Variants in MFF observed in about 807,000 individuals in gnomAD.
MFF encodes mitochondrial fission factor.
A neutral mutation model predicts 36.9 loss-of-function variants in MFF; 12 were observed. That is an observed-to-expected ratio of 0.33 (90% confidence interval 0.21 to 0.53). MFF has a LOEUF of 0.53. Among genes scored for constraint, MFF ranks in the 20% least tolerant of loss-of-function variants. The pLI is 0.95. For synonymous variants in MFF, 99 were observed against 126.2 expected, an observed-to-expected ratio of 0.78 and a Z score of 1.44; for missense variants, 348 against 366.6, an observed-to-expected ratio of 0.95 and a Z score of 0.42.
chr2:227,356,932 C>G, intron 8 of MFF, 54 bp from the exon 9 acceptor site: 1 of 1,334,078 alleles, frequency 7.5e-7, no homozygotes, highest in Non-Finnish European at 1.0e-6. Flanking sequence ...ATCTGATTGC[C>G]CTATTCATTA....
intron 1 of MFF, among the ~76,000 whole-genome samples, chr2:227,325,870 G>C (rs1463624947): frequency 1.3e-5 from 2 of 152,180 alleles, no homozygotes; most frequent in African/African-American, 4.8e-5. Context: ...TTTAAAAGGA[G>C]GTTTTTGTGT....
chr2:227,341,908 A>G (rs901405248), intron 5 of MFF, among the ~76,000 whole-genome samples: 5 of 152,086 alleles, frequency 3.3e-5, no homozygotes, highest in Admixed American at 2.0e-4. Context: ...CTCCCGAAGT[A>G]TATATTATTT....
At chr2:227,349,178 TA>T (rs398039893) in intron 6 of MFF, among the ~76,000 whole-genome samples, 2 of 151,426 alleles carry the variant, frequency 1.3e-5, no homozygotes, top group Non-Finnish European at 2.9e-5. Context: ...TCCCAAAAAG[TA>T]AAAAAAGAAA....
intron 4 of MFF, among the ~76,000 whole-genome samples, chr2:227,336,563 C>G (rs2075019481): frequency 6.6e-6 from 1 of 152,206 alleles, no homozygotes; most frequent in Admixed American, 6.5e-5. Flanking sequence ...AGAAATGGAA[C>G]TATCTCCAAG....
intron 4 of MFF, among the ~76,000 whole-genome samples, chr2:227,335,584 C>T (rs1008531390): frequency 6.6e-6 from 1 of 152,172 alleles, no homozygotes; most frequent in African/African-American, 2.4e-5. Context: ...AGATCACCCC[C>T]TACTGAAAAC....
intron 6 of MFF, among the ~76,000 whole-genome samples, chr2:227,349,571 G>C (rs2075886254): frequency 6.6e-6 from 1 of 152,054 alleles, no homozygotes; most frequent in African/African-American, 2.4e-5. Context: ...TGGAGGGTTA[G>C]ATTCTCATCA....
chr2:227,342,369 A>G (rs1034814998), intron 5 of MFF, among the ~76,000 whole-genome samples: 2 of 152,166 alleles, frequency 1.3e-5, no homozygotes, highest in African/African-American at 2.4e-5. Context: ...ATTTTGTATA[A>G]TGAACATATT....
At position 227,338,202 on chromosome 2, in the gene MFF, T is replaced by C. The variant is rs73088084; in HGVS notation, c.352-2090T>C. On this transcript the variant is annotated intron_variant, in intron 4 of 8. Transcript: ENST00000304593. ...GGCCAACATGGTGAAACCCTATCTC[T>C]ACTAAAAATAACAAAAATTATCTGG... Among the ~76,000 whole-genome samples the C allele has an allele frequency of 5.7e-3, 851 of 149,698 alleles. 7 individuals are homozygous for C. Among genetic ancestry groups the C allele is most frequent in the African/African-American group, 0.02 (798 of 40,820 alleles).
chr2:227,337,002 G>C (rs969829549), intron 4 of MFF, among the ~76,000 whole-genome samples: 1 of 152,218 alleles, frequency 6.6e-6, no homozygotes, highest in African/African-American at 2.4e-5. Flanking sequence ...TCACACTTTG[G>C]TGATGGTTTC....
intron 5 of MFF, among the ~76,000 whole-genome samples, chr2:227,344,678 A>G (rs191684860): frequency 8.2e-4 from 125 of 152,350 alleles, no homozygotes; most frequent in African/African-American, 2.9e-3. Flanking sequence ...AATGTTACCA[A>G]ACAAGGACAT....
chr2:227,356,887 T>C, intron 8 of MFF, 99 bp from the exon 9 acceptor site: 3 of 926,840 alleles, frequency 3.2e-6, no homozygotes, highest in South Asian at 2.0e-5. Context: ...ATAATACTTT[T>C]GTTGACAAAT....
rs1183795449 is a variant in MFF at position 227,340,310 on chromosome 2, C to A, written c.370C>A (p.Leu124Ile). Reference protein sequence around the residue: ...QNEEIRAVGRLKRERSMSENA... With the variant: ...QNEEIRAVGRIKRERSMSENA... ...TTAACAGATCCGAGCAGTTGGCAGA[C>A]TAAAAAGAGAGCGGTCTATGAGTGA... Residue 124 changes from leucine to isoleucine, a missense_variant, in exon 5 of 9, where the codon CTA becomes ATA. Transcript: ENST00000304593. 6.2e-7 allele frequency: 1 copy of A among 1,613,948 alleles called. No individual in the cohort carries two copies. Among genetic ancestry groups the A allele is most frequent in the Non-Finnish European group, 8.5e-7 (1 of 1,179,904 alleles).
At chr2:227,328,136 G>A (rs1361991050) in intron 1 of MFF, among the ~76,000 whole-genome samples, 4 of 151,812 alleles carry the variant, frequency 2.6e-5, no homozygotes, top group Non-Finnish European at 5.9e-5. Flanking sequence ...TTTAGGAGAC[G>A]AAGGCCAGAG....
intron 5 of MFF, among the ~76,000 whole-genome samples, chr2:227,343,673 A>G (rs540967505): frequency 9.8e-5 from 15 of 152,354 alleles, no homozygotes; most frequent in African/African-American, 2.9e-4. Context: ...CATTATTCCT[A>G]TGAAAACTCA....
intron 4 of MFF, 85 bp from the exon 5 acceptor site, chr2:227,340,207 T>G: frequency 9.1e-7 from 1 of 1,101,684 alleles, no homozygotes; most frequent in Non-Finnish European, 1.3e-6. Context: ...TTGAGTAGCC[T>G]TGTATCGAGG....
chr2:227,346,601 A>AT (rs1410592264), intron 5 of MFF: 2 of 152,218 alleles, frequency 1.3e-5, no homozygotes, highest in Non-Finnish European at 2.9e-5. Context: ...ATTTGGGAAT[A>AT]TTTTTATGCT....
Position 227,330,768 on chromosome 2 carries a change from G to C in MFF, c.103G>C (p.Asp35His). 1.2e-6 allele frequency: 2 copies of C among 1,614,228 alleles called. No homozygotes were observed. The highest frequency in any genetic ancestry group is 8.5e-7 in the Non-Finnish European group (1 of 1,180,036). ...EKLKVAPPNADLEQGFQEGVP... is the reference protein window; with the variant it reads ...EKLKVAPPNAHLEQGFQEGVP... ...GTTAAAAGTAGCACCGCCAAACGCTGACCTGGAACAAGGATTCCAAGAAGG... is the reference window on the plus strand; with the variant it reads ...GTTAAAAGTAGCACCGCCAAACGCTCACCTGGAACAAGGATTCCAAGAAGG... The change falls in exon 3 of 9, where the codon GAC becomes CAC. Residue 35 changes from aspartate to histidine, a missense_variant. Coordinates refer to ENST00000304593, the MANE Select transcript of MFF (RefSeq NM_001277062.2).
rs758784176 is a variant in MFF at position 227,340,426 on chromosome 2, G to A, written c.440+46G>A. 20 of 1,398,122 alleles carry A rather than the reference G, an allele frequency of 1.4e-5. No homozygotes were observed. The South Asian group carries it at 2.6e-4, about 18-fold the overall frequency. The allele number at this position is 1,398,122 out of a possible 1,614,324, so 86.6% of individuals were successfully genotyped here. On this transcript the variant is annotated intron_variant, in intron 5 of 8. Coordinates refer to ENST00000304593, the MANE Select transcript of MFF (RefSeq NM_001277062.2). ...TTTATCTCGTTTGTAAGTTTTCTCA[G>A]GATATTTTCTGTACCCATGTTTTTC...
chr2:227,354,739 TATTTTATACACAGC>T (rs2076175063), intron 7 of MFF, among the ~76,000 whole-genome samples: 1 of 148,196 alleles, frequency 6.7e-6, no homozygotes, highest in Non-Finnish European at 1.5e-5. Flanking sequence ...TTTTCAGTAT[TATTTTATACACAGC>T]ATTTTATTCA....
Sources: allele counts gnomAD v4.1 joint callset (sites outside exome capture counted in the v4.1 genomes callset), GRCh38; gene constraint gnomAD v4.1.1; transcripts MANE v1.5; gene names NCBI Gene and HGNC (gene_info 2026-07-23, HGNC 2026-07-21).